The following RTL4 variants were observed in gnomAD, a reference collection of about 807,000 sequenced individuals.
RTL4 encodes the protein retrotransposon Gag like 4, also known as retrotransposon Gag-like protein 4.
RTL4 carries 4 observed loss-of-function variants against 5.3 expected under a neutral mutation model. That is an observed-to-expected ratio of 0.75 (90% CI 0.37 to 1.72). RTL4 has a LOEUF of 1.72. RTL4 is among the 40% of genes most tolerant of loss of function. The pLI, the probability that RTL4 is intolerant of heterozygous loss-of-function variation, is 0.04. For synonymous variants in RTL4, 98 were observed against 87.3 expected (o/e 1.12, Z -0.68); for missense variants, 260 against 227.1 (o/e 1.14, Z -0.93).
At chrX:112,424,498 T>C in the RTL4 span, among the ~76,000 whole-genome samples, 26 of 111,256 alleles carry the variant, frequency 2.3e-4, no homozygotes, top group Admixed American at 2.0e-3. Context: ...TAGTGAATGA[T>C]CTTCTTGGAT....
chrX:112,354,199 G>A, the RTL4 span, among the ~76,000 whole-genome samples: 5,924 of 111,098 alleles, frequency 0.053, 400 homozygotes, highest in African/African-American at 0.18. Context: ...GGGAGGTAGC[G>A]CAGCATTATA....
At chrX:112,235,890 G>A in the RTL4 span, among the ~76,000 whole-genome samples, 34 of 111,787 alleles carry the variant, frequency 3.0e-4, no homozygotes, top group Non-Finnish European at 4.1e-4. Context: ...AATACTCAGA[G>A]TAAGTAAGGC....
At chrX:112,442,275 C>A in the RTL4 span, among the ~76,000 whole-genome samples, 1 of 105,980 alleles carries the variant, frequency 9.4e-6, no homozygotes, top group African/African-American at 3.5e-5. Context: ...GAGTCTTGCT[C>A]TGTTGTCTAG....
chrX:112,347,328 G>T, the RTL4 span, among the ~76,000 whole-genome samples: 2 of 111,843 alleles, frequency 1.8e-5, no homozygotes, highest in African/African-American at 6.5e-5. Flanking sequence ...TATAGGAGTT[G>T]CAAAAGGGGA....
At chrX:112,235,471 A>C in the RTL4 span, among the ~76,000 whole-genome samples, 1 of 111,632 alleles carries the variant, frequency 9.0e-6, no homozygotes, top group African/African-American at 3.3e-5. Flanking sequence ...AATTGGCTTC[A>C]CTGACAGGAC....
the RTL4 span, among the ~76,000 whole-genome samples, chrX:112,161,230 A>G: frequency 5.8e-4 from 65 of 111,822 alleles, no homozygotes; most frequent in Middle Eastern, 4.6e-3. Context: ...TGTTCCTTTC[A>G]AGAAATTTAA....
the RTL4 span, among the ~76,000 whole-genome samples, chrX:112,109,797 C>T: frequency 3.6e-5 from 4 of 111,467 alleles, no homozygotes; most frequent in Admixed American, 9.5e-5. Flanking sequence ...GGGAATTGGG[C>T]GATGACCACT....
the RTL4 span, among the ~76,000 whole-genome samples, chrX:112,306,081 T>C: frequency 9.0e-6 from 1 of 111,507 alleles, no homozygotes; most frequent in Non-Finnish European, 1.9e-5. Context: ...TCAAAACTTA[T>C]TGCTGGTTTT....
the RTL4 span, among the ~76,000 whole-genome samples, chrX:112,107,898 T>C: frequency 8.9e-6 from 1 of 112,123 alleles, no homozygotes; most frequent in African/African-American, 3.2e-5. Flanking sequence ...AAATAACCTT[T>C]CTACTTCCTT....
the RTL4 span, among the ~76,000 whole-genome samples, chrX:112,186,492 C>T: frequency 8.9e-6 from 1 of 111,958 alleles, no homozygotes; most frequent in East Asian, 2.8e-4. Flanking sequence ...CTAACACAGT[C>T]GCTGATGTAT....
chrX:112,318,631 T>G, the RTL4 span, among the ~76,000 whole-genome samples: 1 of 112,091 alleles, frequency 8.9e-6, no homozygotes, highest in Non-Finnish European at 1.9e-5. Flanking sequence ...CTGAACTACC[T>G]ATACTGAAGC....
At chrX:112,388,428 GC>G in the RTL4 span, among the ~76,000 whole-genome samples, 1 of 112,096 alleles carries the variant, frequency 8.9e-6, no homozygotes, top group African/African-American at 3.2e-5. Flanking sequence ...GATTGCTCTA[GC>G]TAAGACGTTC....
At chrX:112,177,999 G>T in the RTL4 span, among the ~76,000 whole-genome samples, 2 of 108,970 alleles carry the variant, frequency 1.8e-5, no homozygotes, top group East Asian at 5.7e-4. Context: ...GCAAAGTTTG[G>T]CCTGTAAGGC....
At chrX:112,301,965 G>GAA in the RTL4 span, among the ~76,000 whole-genome samples, 2 of 80,644 alleles carry the variant, frequency 2.5e-5, no homozygotes, top group East Asian at 8.0e-4. Context: ...CCCTGTCAAA[G>GAA]AAAAAAAAAA....
the RTL4 span, among the ~76,000 whole-genome samples, chrX:112,440,736 A>T: frequency 3.6e-5 from 4 of 111,762 alleles, no homozygotes; most frequent in Non-Finnish European, 7.5e-5. Context: ...TAAGGCCTAC[A>T]TTATTAGCCA....
chrX:112,435,391 T>C, the RTL4 span, among the ~76,000 whole-genome samples: 1 of 112,553 alleles, frequency 8.9e-6, no homozygotes, highest in Non-Finnish European at 1.9e-5. Flanking sequence ...CCTGTGTGAT[T>C]ATTTATAATT....
At chrX:112,231,595 T>G in the RTL4 span, among the ~76,000 whole-genome samples, 1 of 93,813 alleles carries the variant, frequency 1.1e-5, no homozygotes, top group Non-Finnish European at 2.1e-5. Flanking sequence ...GGGGGAGGGA[T>G]AGCATTAGGA....
chrX:112,167,557 A>G, the RTL4 span, among the ~76,000 whole-genome samples: 1 of 111,637 alleles, frequency 9.0e-6, no homozygotes, highest in Non-Finnish European at 1.9e-5. Context: ...TTTTGAAAGA[A>G]ATGCTTATTG....
At chrX:112,342,464 G>T in the RTL4 span, among the ~76,000 whole-genome samples, 1 of 111,232 alleles carries the variant, frequency 9.0e-6, no homozygotes, top group Admixed American at 9.6e-5. Flanking sequence ...TGTTGGAAGA[G>T]ACCTCACAAG....
Sources: gnomAD v4.1 joint callset for allele counts (sites outside exome capture counted in the v4.1 genomes callset) on GRCh38, gnomAD v4.1.1 for gene constraint, MANE v1.5 for transcripts, NCBI Gene and HGNC (gene_info 2026-07-23, HGNC 2026-07-21) for gene names.